RILPL1: variants seen among roughly 807,000 people sequenced by gnomAD.
RILPL1 encodes Rab interacting lysosomal protein like 1.
Under a neutral mutation model 50.3 loss-of-function variants are expected in RILPL1, and 33 were observed. That is an observed-to-expected ratio of 0.66 (90% CI 0.50 to 0.88). The LOEUF (loss-of-function observed/expected upper bound fraction) is 0.88. RILPL1 is among the 40% of genes least tolerant of loss of function. The pLI, the probability that RILPL1 is intolerant of heterozygous loss-of-function variation, is 0.00. For synonymous variants in RILPL1, 205 were observed against 228.6 expected (o/e 0.90, Z 0.93); for missense variants, 418 against 542.5 (o/e 0.77, Z 2.28).
At chr12:123,525,660 C>A (rs1885221909) in intron 1 of RILPL1, among the ~76,000 whole-genome samples, 1 of 137,900 alleles carries the variant, frequency 7.3e-6, no homozygotes, top group East Asian at 2.1e-4. Context: ...GGGATTGTAC[C>A]ACTGCACTCC....
intron 2 of RILPL1, among the ~76,000 whole-genome samples, chr12:123,508,518 A>G (rs1883897403): frequency 6.6e-6 from 1 of 152,212 alleles, no homozygotes; most frequent in African/African-American, 2.4e-5. Flanking sequence ...GAAGTTCAAA[A>G]CAAGGCTGAA....
chr12:123,473,792 A>G (rs1881382472), intron 6 of RILPL1: 1 of 152,080 alleles, frequency 6.6e-6, no homozygotes, highest in East Asian at 1.9e-4. Context: ...GGCAGAAGTC[A>G]TAAGCATACT....
chr12:123,499,952 G>C (rs1210079225), intron 2 of RILPL1, among the ~76,000 whole-genome samples: 1 of 147,580 alleles, frequency 6.8e-6, no homozygotes, highest in Non-Finnish European at 1.5e-5. Flanking sequence ...TTTTTTTTGA[G>C]ACGGAGTCTC....
chr12:123,479,493 G>A (rs1434583943), intron 6 of RILPL1, among the ~76,000 whole-genome samples: 1 of 152,136 alleles, frequency 6.6e-6, no homozygotes, highest in African/African-American at 2.4e-5. Flanking sequence ...GCTCAGAACC[G>A]CCTCAGAAAC....
At position 123,488,168 on chromosome 12, in the gene RILPL1, G is replaced by A. The variant is rs150005535; in HGVS notation, c.802-2363C>T. Among the ~76,000 whole-genome samples the A allele has an allele frequency of 4.0e-4, 61 of 152,214 alleles. 1 individual carries two copies. In the East Asian group the frequency reaches 7.1e-3, roughly 18 times the overall value. On this transcript the variant is annotated intron_variant, in intron 4 of 6. Transcript: ENST00000376874. The stretch of plus-strand genomic sequence containing the variant: ...AGAAAAACTCCATAGGCCCGGCACC[G>A]TGGCTCACACTCCTAATTCTAGCAC...
intron 6 of RILPL1, chr12:123,474,020 G>T (rs887148524): frequency 1.3e-5 from 2 of 152,106 alleles, no homozygotes; most frequent in Non-Finnish European, 2.9e-5. Flanking sequence ...GAGTAGCTGG[G>T]ATTACAGGCA....
At chr12:123,519,742 G>A (rs903723400) in intron 2 of RILPL1, 1 of 152,212 alleles carries the variant, frequency 6.6e-6, no homozygotes, top group African/African-American at 2.4e-5. Flanking sequence ...AACCACGAAA[G>A]GCATGCCTGG....
chr12:123,485,097 T>C lies in RILPL1; in HGVS notation c.974+536A>G. The C allele has an allele frequency of 2.2e-6, 1 of 452,264 alleles. No individual in the cohort carries two copies. 28.0% of individuals were successfully genotyped at this position (452,264 alleles called of 1,614,324 possible). A position where few individuals can be genotyped will look rare whatever the true frequency, so the allele number is the denominator to read the frequency against. On this transcript the variant is annotated intron_variant, in intron 5 of 6. Transcript: ENST00000376874. This position sits in a 1 kb window ranked among gnomAD's most constrained non-coding sequence, Gnocchi z 4.0. ...GTGCATGGGTCCTTCCTTCCAGCTT[T>C]CTATTCAACAGATATTTGTTGTGCA... is the stretch of plus-strand genomic sequence containing the variant.
rs1491270495 is a variant in RILPL1, at chr12:123,521,690, CAT to C, written c.460+1803_460+1804del. On this transcript the variant is annotated intron_variant, in intron 2 of 6. Transcript: ENST00000376874. ...ATATATAAATATATATATATACACA[CAT>C]ATATGTATATATATATAAATATATA... 2.4e-3 allele frequency among the ~76,000 whole-genome samples: 19 copies of C among 7,794 alleles called. 1 individual carries two copies. The East Asian group carries it at 0.043, about 17-fold the overall frequency. 5.1% of individuals were successfully genotyped at this position (7,794 alleles called of 152,430 possible). A position where few individuals can be genotyped will look rare whatever the true frequency, so the allele number is the denominator to read the frequency against.
At chr12:123,480,158 CTTTTT>C (rs957649286) in intron 6 of RILPL1, among the ~76,000 whole-genome samples, 1 of 117,026 alleles carries the variant, frequency 8.5e-6, no homozygotes, top group Middle Eastern at 4.1e-3. Context: ...AAGGCTGATT[CTTTTT>C]TTTTTTTTTT....
At chr12:123,527,171 A>G (rs749235413) in intron 1 of RILPL1, among the ~76,000 whole-genome samples, 2 of 151,978 alleles carry the variant, frequency 1.3e-5, no homozygotes, top group Non-Finnish European at 2.9e-5. Context: ...TCTCTATAAA[A>G]AATACAAAAA....
In RILPL1 at chr12:123,533,221, G is replaced by GC. The variant is rs781186338; in HGVS notation, c.261dup (p.Arg88AlafsTer66). On this transcript the variant is annotated frameshift_variant, in exon 1 of 7. Coordinates refer to ENST00000376874, the MANE Select transcript of RILPL1 (RefSeq NM_178314.5). LOFTEE classifies it high-confidence loss of function. The surrounding 1 kb of genome is among the most constrained non-coding windows in gnomAD (Gnocchi z 6.2). ...TCGATGCGGTCCATCCTCTCCAGGC[G>GC]CAGGCGGTCCAGCTCCAGGCGCAGC... The GC allele has an allele frequency of 6.3e-7, 1 of 1,591,002 alleles. No individual in the cohort carries two copies. The highest frequency in any genetic ancestry group is 1.1e-5 in the South Asian group (1 of 88,788).
intron 2 of RILPL1, among the ~76,000 whole-genome samples, chr12:123,501,294 A>G (rs1313476854): frequency 1.3e-5 from 2 of 150,010 alleles, no homozygotes; most frequent in Non-Finnish European, 3.0e-5. Context: ...TTTTTTTTTT[A>G]ACTAGCCAAG....
chr12:123,497,731 G>C (rs533110108), intron 4 of RILPL1, among the ~76,000 whole-genome samples: 3 of 152,162 alleles, frequency 2.0e-5, no homozygotes, highest in African/African-American at 7.2e-5. Flanking sequence ...TTTTTGTAGA[G>C]ATAGGACCTC....
chr12:123,475,341 C>G (rs149413553), intron 6 of RILPL1: 1 of 348,336 alleles, frequency 2.9e-6, no homozygotes, highest in Non-Finnish European at 5.5e-6. Context: ...ACTCGGGGAC[C>G]GCAGTGGGCG....
At position 123,515,159 on chromosome 12, in the gene RILPL1, T is replaced by C. The variant is rs546537924; in HGVS notation, c.460+8336A>G. ...GTTGTCCAGACTGGTCCCAAATTCC[T>C]GGTCTCAAGCAATCCTCCTGCCTCA... On this transcript the variant is annotated intron_variant, in intron 2 of 6. Transcript: ENST00000376874. The C allele has an allele frequency of 9.4e-4, 143 of 152,152 alleles. 1 individual carries two copies. The highest frequency in any genetic ancestry group is 3.3e-3 in the African/African-American group (139 of 41,530). 9.4% of individuals were successfully genotyped at this position (152,152 alleles called of 1,614,324 possible). A position where few individuals can be genotyped will look rare whatever the true frequency, so the allele number is the denominator to read the frequency against.
At position 123,522,944 on chromosome 12, in the gene RILPL1, A is replaced by C. The variant is rs1276872033; in HGVS notation, c.460+551T>G. Among the ~76,000 whole-genome samples, 1 of 151,978 alleles carries C rather than the reference A, an allele frequency of 6.6e-6. No homozygotes were observed. The highest frequency in any genetic ancestry group is 1.5e-5 in the Non-Finnish European group (1 of 67,960). On this transcript the variant is annotated intron_variant, in intron 2 of 6. Transcript: ENST00000376874. The surrounding 1 kb of genome is among the most constrained non-coding windows in gnomAD (Gnocchi z 4.0). ...AATGCTCATGTCCCAGGGCCTTTGC[A>C]TGACTGCCCCTGCAACCCCCGACCC...
chr12:123,471,122 G>C lies in RILPL1; in HGVS notation c.*1416C>G, dbSNP rs968070341. The C allele has an allele frequency of 4.7e-5, 7 of 149,514 alleles. No individual in the cohort carries two copies. Among genetic ancestry groups the C allele is most frequent in the Non-Finnish European group, 8.8e-5 (6 of 67,798 alleles). The allele number at this position is 149,514 out of a possible 1,614,324, so 9.3% of individuals were successfully genotyped here. On this transcript the variant is annotated 3_prime_UTR_variant, in exon 7 of 7. Coordinates refer to ENST00000376874, the MANE Select transcript of RILPL1 (RefSeq NM_178314.5). ...GTCTCACTCTGTCGCCCAGGCTGGA[G>C]TGCAATGGCACGATCTAGGCTCACT...
At chr12:123,532,387 T>A (rs1323173659) in intron 1 of RILPL1, among the ~76,000 whole-genome samples, 2 of 152,082 alleles carry the variant, frequency 1.3e-5, no homozygotes, top group African/African-American at 4.8e-5. Context: ...GGCTTAGCCT[T>A]AAAGCCACCC....
Sources: gnomAD v4.1 joint callset for allele counts (sites outside exome capture counted in the v4.1 genomes callset) on GRCh38, gnomAD v4.1.1 for gene constraint, Gnocchi (gnomAD v3.1) non-coding constraint, MANE v1.5 for transcripts, NCBI Gene and HGNC (gene_info 2026-07-23, HGNC 2026-07-21) for gene names.